The following TBC1D32 variants were observed in gnomAD, a reference collection of about 807,000 sequenced individuals.
TBC1D32 encodes protein broad-minded.
In TBC1D32, 151 loss-of-function variants were observed where a neutral mutation model predicts 170.3. That is an observed-to-expected ratio of 0.89 (90% CI 0.78 to 1.01). The LOEUF (loss-of-function observed/expected upper bound fraction) is 1.01, where lower values mean the gene tolerates loss of function less well. Among genes scored for constraint, TBC1D32 ranks in the 50% least tolerant of loss-of-function variants. TBC1D32 has a pLI of 0.00. For synonymous variants in TBC1D32, 498 were observed against 488.0 expected, an observed-to-expected ratio of 1.02 and a Z score of -0.27; for missense variants, 1,464 against 1,457.1, an observed-to-expected ratio of 1.00 and a Z score of -0.08.
intron 23 of TBC1D32, 58 bp downstream of exon 23, chr6:121,160,890 A>C: frequency 1.5e-6 from 2 of 1,369,752 alleles, no homozygotes; most frequent in Admixed American, 3.4e-5. Flanking sequence ...TGAGTTGGCT[A>C]TCTTGCTTCA....
At chr6:121,109,305 A>G (rs1582810237) in intron 29 of TBC1D32, among the ~76,000 whole-genome samples, 1 of 152,276 alleles carries the variant, frequency 6.6e-6, no homozygotes, top group Admixed American at 6.5e-5. Context: ...CTACATTATA[A>G]CTATTGCATG....
intron 20 of TBC1D32, among the ~76,000 whole-genome samples, chr6:121,235,071 T>A (rs1796172934): frequency 6.6e-6 from 1 of 152,166 alleles, no homozygotes. Flanking sequence ...CGTCTTCAGG[T>A]CTTGCAGCTA....
At chr6:121,209,510 C>T (rs193154632) in intron 21 of TBC1D32, among the ~76,000 whole-genome samples, 1 of 152,306 alleles carries the variant, frequency 6.6e-6, no homozygotes, top group Admixed American at 6.5e-5. Flanking sequence ...CTAGCCACCA[C>T]CATTCCACTC....
At chr6:121,108,367 G>C (rs941552794) in intron 29 of TBC1D32, among the ~76,000 whole-genome samples, 11 of 151,890 alleles carry the variant, frequency 7.2e-5, no homozygotes, top group African/African-American at 2.7e-4. Context: ...GTAACTCTCT[G>C]TCCTGTTTAC....
intron 31 of TBC1D32, among the ~76,000 whole-genome samples, chr6:121,082,755 T>A (rs1051576852): frequency 3.3e-5 from 5 of 151,970 alleles, no homozygotes; most frequent in African/African-American, 1.2e-4. Flanking sequence ...TTAAATATAT[T>A]TTTTCCTCAG....
chr6:121,258,025 A>G (rs1254295828), intron 15 of TBC1D32, among the ~76,000 whole-genome samples: 2 of 151,204 alleles, frequency 1.3e-5, no homozygotes, highest in African/African-American at 2.4e-5. Context: ...TAGTGCTGGG[A>G]AAAATATAAC....
chr6:121,111,716 A>G (rs1779225067), intron 29 of TBC1D32, among the ~76,000 whole-genome samples: 1 of 151,998 alleles, frequency 6.6e-6, no homozygotes, highest in Non-Finnish European at 1.5e-5. Flanking sequence ...GTATTCCATG[A>G]TGAATTGATT....
chr6:121,236,132 T>G (rs1386595848), intron 20 of TBC1D32, among the ~76,000 whole-genome samples: 2 of 49,104 alleles, frequency 4.1e-5, no homozygotes, highest in Non-Finnish European at 8.7e-5. Flanking sequence ...TTATTTTTGT[T>G]TTTTTTTTTT....
At position 121,283,884 on chromosome 6, in the gene TBC1D32, C is replaced by T. The variant is rs749631407; in HGVS notation, c.1399G>A (p.Val467Ile). Residue 467 changes from valine to isoleucine, a missense_variant, in exon 13 of 32, where the codon GTT (valine) becomes ATT (isoleucine). Val to Ile is a conservative substitution (Grantham distance 29). Transcript: ENST00000398212. The part of the protein sequence containing the change: ...KGLVSLIDLL[V>I]LFTQLIYYSP... ...TAATAGATAAGTTGGGTAAAAAGAA[C>T]AAGCAGATCTATGAGGGATACCAAA... 2 of 1,610,598 alleles carry T rather than the reference C, an allele frequency of 1.2e-6. No individual in the cohort carries two copies. Among genetic ancestry groups the T allele is most frequent in the Admixed American group, 1.7e-5 (1 of 59,880 alleles).
At chr6:121,182,592 C>T (rs1303927469) in intron 22 of TBC1D32, among the ~76,000 whole-genome samples, 1 of 151,906 alleles carries the variant, frequency 6.6e-6, no homozygotes, top group Non-Finnish European at 1.5e-5. Context: ...TAGAAGGAAA[C>T]AGCACTTGAG....
chr6:121,280,693 C>T (rs1316558304), intron 14 of TBC1D32, among the ~76,000 whole-genome samples: 3 of 151,150 alleles, frequency 2.0e-5, no homozygotes, highest in African/African-American at 7.3e-5. Flanking sequence ...AAAGTGCAAA[C>T]TATCTATTAT....
At position 121,241,527 on chromosome 6, in the gene TBC1D32, T is replaced by C. The variant is rs756030991; in HGVS notation, c.2183A>G (p.Tyr728Cys). 2.4e-5 allele frequency: 39 copies of C among 1,613,346 alleles called. No homozygotes were observed. Among genetic ancestry groups the C allele is most frequent in the Non-Finnish European group, 2.6e-5 (31 of 1,179,666 alleles). Residue 728 changes from tyrosine (Y) to cysteine (C), a missense_variant, in exon 19 of 32, where the codon TAT becomes TGT. Physicochemically the swap from Tyr to Cys is radical, Grantham distance 194. This residue lies in a region of TBC1D32 where 1,363 missense variants were observed against 1,338.1 expected (regional missense o/e 1.02). Transcript: ENST00000398212. ...LQVSRHKKFGYGVLVTRVAST... is the reference protein window; with the variant it reads ...LQVSRHKKFGCGVLVTRVAST... ...TGCCACTCGTGTAACCAAAACTCCATAGCCAAATTTTTTATGCCTGCTGAC... is the reference window on the plus strand; with the variant it reads ...TGCCACTCGTGTAACCAAAACTCCACAGCCAAATTTTTTATGCCTGCTGAC...
chr6:121,237,721 C>A (rs1583337752), intron 20 of TBC1D32, among the ~76,000 whole-genome samples: 1 of 151,902 alleles, frequency 6.6e-6, no homozygotes, highest in Admixed American at 6.6e-5. Flanking sequence ...AGTTTTATTT[C>A]TCTACTCTGA....
intron 10 of TBC1D32, among the ~76,000 whole-genome samples, chr6:121,299,160 C>T (rs994169243): frequency 2.0e-5 from 3 of 152,026 alleles, no homozygotes; most frequent in Non-Finnish European, 4.4e-5. Flanking sequence ...CTACATGCTA[C>T]TGCTTAAAAA....
intron 1 of TBC1D32, among the ~76,000 whole-genome samples, chr6:121,323,424 C>T (rs1187790380): frequency 3.3e-5 from 5 of 152,178 alleles, no homozygotes; most frequent in Non-Finnish European, 5.9e-5. Flanking sequence ...TTTACTCATA[C>T]CAATACCTCA....
At chr6:121,200,788 T>C (rs1365990379) in intron 22 of TBC1D32, among the ~76,000 whole-genome samples, 3 of 151,438 alleles carry the variant, frequency 2.0e-5, no homozygotes, top group Non-Finnish European at 4.4e-5. Flanking sequence ...ATGGGTTGAA[T>C]TTGTATAAGT....
Position 121,160,931 on chromosome 6 carries a change from C to A in TBC1D32, c.2679+17G>T. The stretch of plus-strand genomic sequence containing the variant: ...TGTCAGAAAAACACATCCCACTTCT[C>A]TTTGCCCCACACTCACCTTTTCGAG... On this transcript the variant is annotated intron_variant, in intron 23 of 31. Transcript: ENST00000398212. The A allele has an allele frequency of 6.3e-7, 1 of 1,599,922 alleles. No homozygotes were observed. Among genetic ancestry groups the A allele is most frequent in the Non-Finnish European group, 8.6e-7 (1 of 1,167,426 alleles).
At chr6:121,142,980 C>T (rs527252296) in intron 24 of TBC1D32, among the ~76,000 whole-genome samples, 26 of 152,180 alleles carry the variant, frequency 1.7e-4, no homozygotes, top group African/African-American at 6.3e-4. Flanking sequence ...TCTTTTCCAC[C>T]CAATCTGCTT....
chr6:121,132,108 T>C (rs909900894), intron 24 of TBC1D32, among the ~76,000 whole-genome samples: 1 of 152,006 alleles, frequency 6.6e-6, no homozygotes, highest in Non-Finnish European at 1.5e-5. Flanking sequence ...AACACTACAC[T>C]CATTCCTCAT....
Sources: gnomAD v4.1 joint callset for allele counts (sites outside exome capture counted in the v4.1 genomes callset) on GRCh38, gnomAD v4.1.1 for gene constraint, gnomAD v4.1.1 regional missense constraint, MANE v1.5 for transcripts, NCBI Gene and HGNC (gene_info 2026-07-23, HGNC 2026-07-21) for gene names.